Variants in RALGAPA2 observed in about 807,000 individuals in gnomAD.
RALGAPA2 encodes Ral GTPase activating protein catalytic subunit alpha 2.
RALGAPA2 carries 139 observed loss-of-function variants against 230.4 expected under a neutral mutation model. The observed-to-expected ratio is 0.60, with a 90% CI of 0.53 to 0.69. The LOEUF (loss-of-function observed/expected upper bound fraction) is 0.69. RALGAPA2 is among the 30% of genes least tolerant of loss of function. The pLI, the probability that RALGAPA2 is intolerant of heterozygous loss-of-function variation, is 0.00. For missense variants in RALGAPA2, 2,163 were observed against 2,276.0 expected (o/e 0.95, Z 1.01); for synonymous variants, 847 against 837.8 (o/e 1.01, Z -0.19).
intron 10 of RALGAPA2, among the ~76,000 whole-genome samples, chr20:20,627,575 T>A (rs2066527710): frequency 6.6e-6 from 1 of 152,196 alleles, no homozygotes; most frequent in South Asian, 2.1e-4. Flanking sequence ...CTAAAAGCCC[T>A]CTCAGTAAAC....
rs201902175 is a variant in RALGAPA2, at chr20:20,513,139, A to G, written c.4230T>C (p.His1410=). The stretch of plus-strand genomic sequence containing the variant: ...CAAAGGACAGCTCGGAGCCTTCCAC[A>G]TGGGCATTGTCATGGTTCTCGCTGA... ...SLVSENHDNA[H]VEGSELSFEV... is the part of the protein sequence containing the mutation. The change falls in exon 32 of 40, where the codon CAT becomes CAC. Residue 1410 remains histidine (H), a synonymous_variant. Coordinates refer to ENST00000202677, the MANE Select transcript of RALGAPA2 (RefSeq NM_020343.4). 614 of 1,563,044 alleles carry G rather than the reference A, an allele frequency of 3.9e-4. No homozygotes were observed. Among genetic ancestry groups the G allele is most frequent in the Non-Finnish European group, 4.9e-4 (571 of 1,158,210 alleles).
At chr20:20,413,596 T>C (rs1245596885) in intron 37 of RALGAPA2, among the ~76,000 whole-genome samples, 1 of 152,176 alleles carries the variant, frequency 6.6e-6, no homozygotes, top group Admixed American at 6.5e-5. Flanking sequence ...AAGCACTCAA[T>C]AGCCGCACGT....
Position 20,408,178 on chromosome 20 carries a change from C to T in RALGAPA2, c.5617+3849G>A, listed in dbSNP as rs180680697. ...CAAACACAAGTCAGTTTGGGTATTC[C>T]GAGAAGAACCACTCATTTAACTTGG... On this transcript the variant is annotated intron_variant, in intron 38 of 39. Coordinates refer to ENST00000202677, the MANE Select transcript of RALGAPA2 (RefSeq NM_020343.4). Among the ~76,000 whole-genome samples, 19 of 152,284 alleles carry T rather than the reference C, an allele frequency of 1.2e-4. No homozygotes were observed. The East Asian group carries it at 2.7e-3, about 22-fold the overall frequency.
Position 20,398,352 on chromosome 20 carries a change from C to T in RALGAPA2, c.5618-1618G>A, listed in dbSNP as rs1311478838. The stretch of plus-strand genomic sequence containing the variant: ...ACTTGTTTGTAATTGCTGATGAGGA[C>T]TGGGTTGCCCCTCTCCTGTGCATCC... On this transcript the variant is annotated intron_variant, in intron 38 of 39. Transcript: ENST00000202677. The surrounding 1 kb of genome is among the most constrained non-coding windows in gnomAD (Gnocchi z 4.5). Among the ~76,000 whole-genome samples the T allele has an allele frequency of 6.6e-6, 1 of 152,208 alleles. No individual in the cohort carries two copies. Among genetic ancestry groups the T allele is most frequent in the African/African-American group, 2.4e-5 (1 of 41,438 alleles).
At chr20:20,443,641 C>A (rs1473424807) in intron 37 of RALGAPA2, among the ~76,000 whole-genome samples, 3 of 152,212 alleles carry the variant, frequency 2.0e-5, no homozygotes, top group African/African-American at 7.2e-5. Flanking sequence ...AAGGTGGAGT[C>A]CAGCTTTGTG....
chr20:20,616,160 A>G lies in RALGAPA2; in HGVS notation c.1571T>C (p.Leu524Ser). The G allele has an allele frequency of 6.5e-7, 1 of 1,542,900 alleles. No homozygotes were observed. The highest frequency in any genetic ancestry group is 8.7e-7 in the Non-Finnish European group (1 of 1,145,360). ...VFLTNSANIF[L>S]LEPCAEVPVL... ...AGGAACTTCAGCACATGGTTCCAAC[A>G]AAAAGATGTTTGCAGAGTTCGTCAA... Residue 524 changes from leucine (L) to serine (S), a missense_variant, in exon 13 of 40, where the codon TTG (leucine) becomes TCG (serine). Transcript: ENST00000202677.
intron 1 of RALGAPA2, among the ~76,000 whole-genome samples, chr20:20,711,864 G>T (rs1219604714): frequency 6.6e-6 from 1 of 152,032 alleles, no homozygotes; most frequent in Non-Finnish European, 1.5e-5. Flanking sequence ...CTGGAATCTC[G>T]GTCTATATGG....
intron 3 of RALGAPA2, among the ~76,000 whole-genome samples, chr20:20,671,909 A>G (rs1470611334): frequency 6.6e-6 from 1 of 152,216 alleles, no homozygotes; most frequent in Non-Finnish European, 1.5e-5. Flanking sequence ...CTAACAAGGG[A>G]CTAAAAAATG....
intron 37 of RALGAPA2, among the ~76,000 whole-genome samples, chr20:20,463,937 A>T (rs932590886): frequency 1.3e-5 from 2 of 152,170 alleles, no homozygotes; most frequent in Non-Finnish European, 2.9e-5. Context: ...TGTATTTGGG[A>T]ACAACAGTGG....
chr20:20,390,085 C>T lies in RALGAPA2; in HGVS notation c.*3204G>A, dbSNP rs886355297. On this transcript the variant is annotated 3_prime_UTR_variant, in exon 40 of 40. Transcript: ENST00000202677. ...TATAAAGGTAGCACAGTTACATTTACGACATCACAGTTAGGTTTTAAAGGA... is the reference window on the plus strand; with the variant it reads ...TATAAAGGTAGCACAGTTACATTTATGACATCACAGTTAGGTTTTAAAGGA... 21 of 152,230 alleles carry T rather than the reference C, an allele frequency of 1.4e-4. No homozygotes were observed. The highest frequency in any genetic ancestry group is 3.9e-4 in the East Asian group (2 of 5,174). 9.4% of individuals were successfully genotyped at this position (152,230 alleles called of 1,614,324 possible). A position where few individuals can be genotyped will look rare whatever the true frequency, so the allele number is the denominator to read the frequency against.
intron 1 of RALGAPA2, among the ~76,000 whole-genome samples, chr20:20,693,183 T>C (rs2068978805): frequency 6.6e-6 from 1 of 152,244 alleles, no homozygotes; most frequent in Non-Finnish European, 1.5e-5. Flanking sequence ...TGTGTAAAAG[T>C]AATTCTGTAT....
At chr20:20,511,069 A>G (rs897178622) in intron 33 of RALGAPA2, among the ~76,000 whole-genome samples, 185 bp downstream of exon 33, 2 of 152,216 alleles carry the variant, frequency 1.3e-5, no homozygotes, top group Admixed American at 6.5e-5. Context: ...TGTATCAAAC[A>G]TGAAAGTTTA....
At chr20:20,416,174 C>T (rs576043876) in intron 37 of RALGAPA2, among the ~76,000 whole-genome samples, 6 of 152,300 alleles carry the variant, frequency 3.9e-5, no homozygotes, top group South Asian at 2.1e-4. Flanking sequence ...GAAGCATCTA[C>T]CTGGGTTCCA....
chr20:20,454,591 G>A (rs927214287), intron 37 of RALGAPA2, among the ~76,000 whole-genome samples: 8 of 152,222 alleles, frequency 5.3e-5, no homozygotes, highest in Non-Finnish European at 1.2e-4. Flanking sequence ...GCCAGGTAAA[G>A]AACTGAAGAG....
chr20:20,560,606 T>C (rs1345075365), intron 23 of RALGAPA2, among the ~76,000 whole-genome samples: 4 of 152,246 alleles, frequency 2.6e-5, no homozygotes, highest in Non-Finnish European at 1.5e-5. Flanking sequence ...TATATCCTTC[T>C]ATCCAAGTCT....
chr20:20,634,954 C>T (rs756373181), intron 9 of RALGAPA2, among the ~76,000 whole-genome samples: 2 of 152,222 alleles, frequency 1.3e-5, no homozygotes, highest in Non-Finnish European at 2.9e-5. Flanking sequence ...CAACAGCCAG[C>T]CCCAAATCCT....
At chr20:20,434,017 T>C (rs1157157267) in intron 37 of RALGAPA2, among the ~76,000 whole-genome samples, 3 of 152,162 alleles carry the variant, frequency 2.0e-5, no homozygotes, top group Admixed American at 6.5e-5. Flanking sequence ...CTCTCTGTAG[T>C]AGGGAGGAAG....
In RALGAPA2 at chr20:20,680,654, C is replaced by T. The variant is rs201161877; in HGVS notation, c.217+37G>A. 3.7e-5 allele frequency: 55 copies of T among 1,495,620 alleles called. No homozygotes were observed. In the African/African-American group the frequency reaches 4.2e-4, roughly 11 times the overall value. 92.6% of individuals were successfully genotyped at this position (1,495,620 alleles called of 1,614,324 possible). A position where few individuals can be genotyped will look rare whatever the true frequency, so the allele number is the denominator to read the frequency against. On this transcript the variant is annotated intron_variant, in intron 2 of 39. Transcript: ENST00000202677. ...GATATATACAACTTATAAAAATGCCCGAATGTTTTTTAAAAAAAAACTACT... is the reference window on the plus strand; with the variant it reads ...GATATATACAACTTATAAAAATGCCTGAATGTTTTTTAAAAAAAAACTACT...
At chr20:20,655,734 G>A (rs563886719) in intron 3 of RALGAPA2, among the ~76,000 whole-genome samples, 193 of 152,130 alleles carry the variant, frequency 1.3e-3, no homozygotes, top group Middle Eastern at 3.2e-3. Flanking sequence ...CTAAAGAGAG[G>A]CAATGGTAGC....
Sources: gnomAD v4.1 joint callset for allele counts (sites outside exome capture counted in the v4.1 genomes callset) on GRCh38, gnomAD v4.1.1 for gene constraint, Gnocchi (gnomAD v3.1) non-coding constraint, MANE v1.5 for transcripts, NCBI Gene and HGNC (gene_info 2026-07-23, HGNC 2026-07-21) for gene names.